The following NTM variants were observed in gnomAD, a reference collection of about 807,000 sequenced individuals.
NTM encodes neurotrimin.
In NTM, 13 loss-of-function variants were observed where a neutral mutation model predicts 42.1. The ratio of observed to expected loss-of-function variants is 0.31; its 90% confidence interval spans 0.20 to 0.49. The LOEUF is 0.49. NTM is among the 20% of genes least tolerant of loss of function. The pLI is 0.99. For synonymous variants in NTM, 187 were observed against 179.2 expected, an observed-to-expected ratio of 1.04 and a Z score of -0.35; for missense variants, 373 against 452.8, an observed-to-expected ratio of 0.82 and a Z score of 1.60.
chr11:131,402,798 G>A (rs1945390438), intron 1 of NTM, among the ~76,000 whole-genome samples: 1 of 152,194 alleles, frequency 6.6e-6, no homozygotes, highest in Admixed American at 6.5e-5. Context: ...GAATTTTACA[G>A]CGTCTGCTGT....
At chr11:132,201,118 A>G (rs1365465041) in intron 3 of NTM, among the ~76,000 whole-genome samples, 1 of 152,162 alleles carries the variant, frequency 6.6e-6, no homozygotes, top group East Asian at 1.9e-4. Flanking sequence ...GTGGGATTAC[A>G]GAGGTTGAAG....
chr11:132,010,009 G>A (rs2071740634), intron 2 of NTM, among the ~76,000 whole-genome samples: 1 of 152,160 alleles, frequency 6.6e-6, no homozygotes, highest in African/African-American at 2.4e-5. Flanking sequence ...TATCAATTCT[G>A]CACAGCATGA....
chr11:131,375,467 G>T (rs993424571), intron 1 of NTM, among the ~76,000 whole-genome samples: 2 of 152,190 alleles, frequency 1.3e-5, no homozygotes, highest in East Asian at 1.9e-4. Context: ...AGGGTCAAAG[G>T]GTACCATCCT....
At chr11:131,373,093 C>T (rs968304454) in intron 1 of NTM, among the ~76,000 whole-genome samples, 13 of 152,190 alleles carry the variant, frequency 8.5e-5, no homozygotes, top group African/African-American at 1.2e-4. Flanking sequence ...CCAATTTTAA[C>T]GCAGAACGAC....
intron 1 of NTM, chr11:131,769,514 AAAG>A: frequency 2.0e-6 from 1 of 512,220 alleles, no homozygotes; most frequent in Non-Finnish European, 2.5e-6. Context: ...TGGTATTTAT[AAAG>A]AAGTTATTGT....
intron 1 of NTM, among the ~76,000 whole-genome samples, chr11:131,716,513 G>A (rs1438467001): frequency 4.6e-5 from 7 of 151,998 alleles, no homozygotes; most frequent in Non-Finnish European, 7.4e-5. Context: ...AATTTCTTCC[G>A]TATCATTTCC....
intron 1 of NTM, among the ~76,000 whole-genome samples, chr11:131,422,793 T>A (rs1947673253): frequency 6.6e-6 from 1 of 152,210 alleles, no homozygotes; most frequent in Non-Finnish European, 1.5e-5. Context: ...CACTTGCTTA[T>A]CTGATGCATT....
At chr11:132,016,716 C>A (rs1316308667) in intron 2 of NTM, among the ~76,000 whole-genome samples, 1 of 151,926 alleles carries the variant, frequency 6.6e-6, no homozygotes, top group East Asian at 1.9e-4. Context: ...ATAGAAACTG[C>A]CAACCTTTTT....
intron 1 of NTM, among the ~76,000 whole-genome samples, chr11:131,472,845 C>T (rs1952570406): frequency 6.6e-6 from 1 of 152,132 alleles, no homozygotes; most frequent in African/African-American, 2.4e-5. Flanking sequence ...GCCTGTCTGA[C>T]TCCGAAGCCC....
At chr11:131,467,088 A>T (rs1343212372) in intron 1 of NTM, among the ~76,000 whole-genome samples, 1 of 152,254 alleles carries the variant, frequency 6.6e-6, no homozygotes, top group Non-Finnish European at 1.5e-5. Context: ...TTTGAGAATG[A>T]TGAATGACAA....
At chr11:132,256,938 T>C (rs2092530375) in intron 4 of NTM, among the ~76,000 whole-genome samples, 1 of 152,176 alleles carries the variant, frequency 6.6e-6, no homozygotes, top group South Asian at 2.1e-4. Context: ...CAATATTTCC[T>C]TTATCATTGC....
Position 131,370,745 on chromosome 11 carries a change from A to G in NTM, c.-62A>G, listed in dbSNP as rs937397341. The G allele has an allele frequency of 2.9e-6, 4 of 1,369,956 alleles. No individual in the cohort carries two copies. The allele number at this position is 1,369,956 out of a possible 1,614,324, so 84.9% of individuals were successfully genotyped here. ...CTTGAGAGCAACACAATCTATCAGG[A>G]AAGAAAGAAAGAAAAAAACCGAACC... On this transcript the variant is annotated 5_prime_UTR_variant, in exon 1 of 9. Transcript: ENST00000683400.
At chr11:132,188,878 G>A (rs1175068959) in intron 3 of NTM, among the ~76,000 whole-genome samples, 1 of 152,212 alleles carries the variant, frequency 6.6e-6, no homozygotes, top group Non-Finnish European at 1.5e-5. Flanking sequence ...CTGATTGACA[G>A]TGTGCATGGG....
intron 1 of NTM, among the ~76,000 whole-genome samples, chr11:131,447,938 G>A (rs767286101): frequency 2.6e-4 from 39 of 152,192 alleles, no homozygotes; most frequent in Non-Finnish European, 4.4e-4. Context: ...GTACTTCTGC[G>A]TCTTGGGCAG....
At chr11:131,442,800 A>G (rs1343048105) in intron 1 of NTM, among the ~76,000 whole-genome samples, 1 of 151,874 alleles carries the variant, frequency 6.6e-6, no homozygotes, top group Non-Finnish European at 1.5e-5. Context: ...ACGTGTATAT[A>G]TTATATATAT....
chr11:131,382,655 A>G (rs1268625075), intron 1 of NTM, among the ~76,000 whole-genome samples: 5 of 152,186 alleles, frequency 3.3e-5, no homozygotes, highest in Non-Finnish European at 7.4e-5. Flanking sequence ...AGAGATGACT[A>G]TCATAGACCC....
At chr11:131,896,774 C>T (rs1182200288) in intron 1 of NTM, among the ~76,000 whole-genome samples, 3 of 150,694 alleles carry the variant, frequency 2.0e-5, no homozygotes, top group East Asian at 2.0e-4. Flanking sequence ...CTGCAAGCTC[C>T]GCCTCCCGGG....
intron 3 of NTM, among the ~76,000 whole-genome samples, chr11:132,204,400 T>C (rs973757496): frequency 2.6e-5 from 4 of 152,180 alleles, no homozygotes; most frequent in African/African-American, 2.4e-5. Flanking sequence ...CATTATGATA[T>C]GTGATGACCA....
chr11:132,153,253 G>A (rs1359254522), intron 3 of NTM, among the ~76,000 whole-genome samples: 1 of 152,162 alleles, frequency 6.6e-6, no homozygotes, highest in Non-Finnish European at 1.5e-5. Flanking sequence ...GCTTCCAAGT[G>A]AGAAATGTCA....
Sources: gnomAD v4.1 joint callset for allele counts (sites outside exome capture counted in the v4.1 genomes callset) on GRCh38, gnomAD v4.1.1 for gene constraint, MANE v1.5 for transcripts, NCBI Gene and HGNC (gene_info 2026-07-23, HGNC 2026-07-21) for gene names.